The following APBB2 variants were observed in gnomAD, a reference collection of about 807,000 sequenced individuals.
The protein encoded by APBB2 is amyloid beta precursor protein binding family B member 2.
Under a neutral mutation model 82.5 loss-of-function variants are expected in APBB2, and 38 were observed. The ratio of observed to expected loss-of-function variants is 0.46; its 90% CI spans 0.36 to 0.60. The LOEUF (loss-of-function observed/expected upper bound fraction) is 0.60. Among genes scored for constraint, APBB2 ranks in the 20% least tolerant of loss-of-function variants. The probability of loss-of-function intolerance (pLI) is 0.00; values close to 1 mark genes in which losing one functional copy is unlikely to be tolerated. For missense variants in APBB2, 772 were observed against 972.3 expected, an observed-to-expected ratio of 0.79 and a Z score of 2.74; for synonymous variants, 341 against 368.2, an observed-to-expected ratio of 0.93 and a Z score of 0.85.
At chr4:40,946,232 CAAAAA>C (rs55995119) in intron 6 of APBB2, among the ~76,000 whole-genome samples, 4,099 of 78,688 alleles carry the variant, frequency 0.052, 255 homozygotes, top group African/African-American at 0.18. Context: ...ACTCTATCTC[CAAAAA>C]AAAAAAAAAA....
intron 12 of APBB2, among the ~76,000 whole-genome samples, chr4:40,885,755 T>C (rs1353995569): frequency 2.6e-5 from 4 of 152,244 alleles, no homozygotes; most frequent in Non-Finnish European, 5.9e-5. Context: ...ATGAGTTTAC[T>C]AATGACAGCA....
rs189394701 is a variant in APBB2 at position 41,149,566 on chromosome 4, C to G, written c.-416-6424G>C. Among the ~76,000 whole-genome samples the G allele has an allele frequency of 2.0e-5, 3 of 152,246 alleles. No individual in the cohort carries two copies. The East Asian group carries it at 5.8e-4, about 29-fold the overall frequency. On this transcript the variant is annotated intron_variant, in intron 1 of 17. Transcript: ENST00000508593. ...CTGAAAATCCATGCACTCAACAACA[C>G]TAAAAGCCAATGTTCAAAATACTGC...
chr4:40,888,144 A>C (rs1770869188), intron 12 of APBB2, among the ~76,000 whole-genome samples: 1 of 152,246 alleles, frequency 6.6e-6, no homozygotes, highest in Non-Finnish European at 1.5e-5. Context: ...ACATTCATTA[A>C]GCATCTGTCA....
intron 1 of APBB2, among the ~76,000 whole-genome samples, chr4:41,209,320 C>A (rs564936909): frequency 1.3e-5 from 2 of 152,292 alleles, no homozygotes; most frequent in South Asian, 4.1e-4. Context: ...TTGCTCTCTG[C>A]CCCATCGCAG....
intron 1 of APBB2, among the ~76,000 whole-genome samples, chr4:41,159,383 T>C (rs1423338901): frequency 6.6e-6 from 1 of 152,144 alleles, no homozygotes; most frequent in Non-Finnish European, 1.5e-5. Context: ...GCAAATAAGA[T>C]CACAATATAC....
intron 11 of APBB2, 112 bp from the exon 12 acceptor site, chr4:40,890,603 GTC>G: frequency 7.0e-7 from 1 of 1,424,380 alleles, no homozygotes; most frequent in Non-Finnish European, 9.5e-7. Flanking sequence ...CCACCCTGGG[GTC>G]TGTAATTTGT....
intron 5 of APBB2, among the ~76,000 whole-genome samples, chr4:41,026,096 G>A (rs1194246053): frequency 2.0e-5 from 3 of 152,128 alleles, no homozygotes; most frequent in Non-Finnish European, 4.4e-5. Flanking sequence ...TGCAGGAACA[G>A]AAAACCAAGT....
At chr4:41,011,021 T>C (rs1808197148) in intron 6 of APBB2, among the ~76,000 whole-genome samples, 1 of 152,116 alleles carries the variant, frequency 6.6e-6, no homozygotes, top group Admixed American at 6.5e-5. Context: ...CAGTATGTGT[T>C]ATACTGTATT....
chr4:40,931,259 C>T (rs1252647191), intron 10 of APBB2, among the ~76,000 whole-genome samples: 4 of 152,118 alleles, frequency 2.6e-5, no homozygotes, highest in Non-Finnish European at 5.9e-5. Flanking sequence ...GGAATGACTC[C>T]GATAGGGGAT....
intron 1 of APBB2, among the ~76,000 whole-genome samples, chr4:41,151,845 C>T (rs1376920281): frequency 1.3e-5 from 2 of 151,482 alleles, no homozygotes; most frequent in African/African-American, 4.9e-5. Flanking sequence ...GTTGTGCTTC[C>T]CTTATCGGCC....
intron 12 of APBB2, among the ~76,000 whole-genome samples, chr4:40,884,269 G>A (rs1769556278): frequency 6.6e-6 from 1 of 152,102 alleles, no homozygotes. Flanking sequence ...CTAAAATAAA[G>A]AGACTGAAAG....
intron 1 of APBB2, among the ~76,000 whole-genome samples, chr4:41,168,069 G>A (rs1767160881): frequency 6.6e-6 from 1 of 152,108 alleles, no homozygotes; most frequent in African/African-American, 2.4e-5. Flanking sequence ...AGGAGATGGA[G>A]ACCATCCTGG....
chr4:40,948,205 G>C (rs1343499265), intron 6 of APBB2, among the ~76,000 whole-genome samples: 2 of 152,222 alleles, frequency 1.3e-5, no homozygotes, highest in East Asian at 1.9e-4. Flanking sequence ...AAGGCAGGAA[G>C]TATGCCGAGT....
At chr4:41,139,186 A>G (rs1560854724) in intron 2 of APBB2, among the ~76,000 whole-genome samples, 1 of 150,550 alleles carries the variant, frequency 6.6e-6, no homozygotes, top group Non-Finnish European at 1.5e-5. Context: ...AGTCAACATA[A>G]TCTCTTATCA....
In APBB2 at chr4:41,013,689, G is replaced by T. The variant is rs766302548; in HGVS notation, c.729C>A (p.Thr243=). ...KKDHPKTGAK[T]DCALHRIQNL... ...TCTGGATCCGGTGCAGTGCACAGTCGGTTTTGGCCCCTGTTTTCGGATGAT... is the reference window on the plus strand; with the variant it reads ...TCTGGATCCGGTGCAGTGCACAGTCTGTTTTGGCCCCTGTTTTCGGATGAT... The change falls in exon 6 of 18, where the codon ACC becomes ACA. Residue 243 remains threonine, a synonymous_variant. Transcript: ENST00000508593. 2 of 1,614,180 alleles carry T rather than the reference G, an allele frequency of 1.2e-6. No individual in the cohort carries two copies. Among genetic ancestry groups the T allele is most frequent in the Non-Finnish European group, 1.7e-6 (2 of 1,180,032 alleles).
chr4:41,093,596 G>A (rs1027834571), intron 3 of APBB2, among the ~76,000 whole-genome samples: 1 of 152,148 alleles, frequency 6.6e-6, no homozygotes, highest in Non-Finnish European at 1.5e-5. Flanking sequence ...GCTCATGCCT[G>A]TAATCCCAGC....
intron 7 of APBB2, among the ~76,000 whole-genome samples, chr4:40,938,017 T>G (rs1220430208): frequency 6.6e-6 from 1 of 151,984 alleles, no homozygotes; most frequent in East Asian, 1.9e-4. Flanking sequence ...AGAAAAACAT[T>G]AAAAGGGGAA....
chr4:41,104,686 G>C (rs1049948341), intron 2 of APBB2, among the ~76,000 whole-genome samples: 6 of 152,102 alleles, frequency 3.9e-5, no homozygotes, highest in Non-Finnish European at 7.4e-5. Flanking sequence ...AGTATCTACT[G>C]TTTCCATCTT....
At chr4:40,859,296 T>G (rs964638129) in intron 12 of APBB2, among the ~76,000 whole-genome samples, 1 of 151,944 alleles carries the variant, frequency 6.6e-6, no homozygotes, top group Non-Finnish European at 1.5e-5. Flanking sequence ...CATTTTTTTT[T>G]TTTTTTTGAG....
Sources: gnomAD v4.1 joint callset for allele counts (sites outside exome capture counted in the v4.1 genomes callset) on GRCh38, gnomAD v4.1.1 for gene constraint, MANE v1.5 for transcripts, NCBI Gene and HGNC (gene_info 2026-07-23, HGNC 2026-07-21) for gene names.